The following IFT80 variants were observed in gnomAD, a reference collection of about 807,000 sequenced individuals.
The protein encoded by IFT80 is intraflagellar transport protein 80 homolog.
IFT80 carries 79 observed loss-of-function variants against 107.9 expected under a neutral mutation model. That is an observed-to-expected ratio of 0.73 (90% CI 0.61 to 0.88). The LOEUF is 0.88. Among genes scored for constraint, IFT80 ranks in the 40% least tolerant of loss-of-function variants. IFT80 has a pLI of 0.00. For synonymous variants in IFT80, 299 were observed against 300.9 expected (o/e 0.99, Z 0.07); for missense variants, 797 against 914.2 (o/e 0.87, Z 1.65).
At chr3:160,339,397 G>T (rs1719724798) in intron 8 of IFT80, among the ~76,000 whole-genome samples, 1 of 152,044 alleles carries the variant, frequency 6.6e-6, no homozygotes, top group Non-Finnish European at 1.5e-5. Flanking sequence ...AAAATATTTT[G>T]TTATGATTAT....
chr3:160,281,469 T>G (rs1714687110), intron 14 of IFT80, among the ~76,000 whole-genome samples: 1 of 152,184 alleles, frequency 6.6e-6, no homozygotes, highest in Non-Finnish European at 1.5e-5. Context: ...GAGAGGCCCC[T>G]GCCACCAGCA....
chr3:160,306,937 T>C lies in IFT80; in HGVS notation c.1076+726A>G, dbSNP rs181030010. On this transcript the variant is annotated intron_variant, in intron 10 of 19. Coordinates refer to ENST00000326448, the MANE Select transcript of IFT80 (RefSeq NM_020800.3). ...AATGAGACACATATAGTCTCCATCC[T>C]CAATTTTATATTCAATGACTAAACT... Among the ~76,000 whole-genome samples the C allele has an allele frequency of 6.6e-5, 10 of 152,292 alleles. No individual in the cohort carries two copies. In the East Asian group the frequency reaches 1.9e-3, roughly 29 times the overall value.
chr3:160,341,413 T>C (rs1364285882), intron 8 of IFT80, among the ~76,000 whole-genome samples: 2 of 151,826 alleles, frequency 1.3e-5, no homozygotes, highest in African/African-American at 2.4e-5. Flanking sequence ...GGTAGGAACT[T>C]GGCATGTGGT....
intron 18 of IFT80, among the ~76,000 whole-genome samples, chr3:160,275,118 C>A (rs952540607): frequency 2.6e-5 from 4 of 152,160 alleles, no homozygotes; most frequent in Non-Finnish European, 5.9e-5. Flanking sequence ...CTGAGATAAC[C>A]TAACGACATG....
chr3:160,342,848 C>G (rs1001756985), intron 8 of IFT80: 3 of 152,314 alleles, frequency 2.0e-5, no homozygotes, highest in African/African-American at 7.2e-5. Flanking sequence ...AAACAAAGAA[C>G]AACATAGTGA....
intron 2 of IFT80, chr3:160,383,934 A>G (rs758600989): frequency 2.0e-6 from 2 of 985,326 alleles, no homozygotes; most frequent in Non-Finnish European, 2.4e-6. Flanking sequence ...TAGCAAAGAA[A>G]CAGTTTGGTT....
At chr3:160,358,324 T>A (rs1576864838) in intron 6 of IFT80, among the ~76,000 whole-genome samples, 1 of 144,986 alleles carries the variant, frequency 6.9e-6, no homozygotes. Context: ...CCCTCAACCA[T>A]TTTTTTTTTA....
chr3:160,335,473 C>T (rs1378328590), intron 8 of IFT80, among the ~76,000 whole-genome samples: 4 of 152,064 alleles, frequency 2.6e-5, no homozygotes, highest in Non-Finnish European at 4.4e-5. Flanking sequence ...CCACTCGCCT[C>T]GGCCTCCCAA....
chr3:160,330,781 G>A (rs1326509702), intron 8 of IFT80, among the ~76,000 whole-genome samples: 1 of 152,056 alleles, frequency 6.6e-6, no homozygotes, highest in East Asian at 1.9e-4. Context: ...ATCAACTAAT[G>A]GCTAATTCTC....
chr3:160,286,005 AT>A, intron 12 of IFT80, 137 bp from the exon 13 acceptor site: 1 of 588,566 alleles, frequency 1.7e-6, no homozygotes, highest in South Asian at 2.4e-5. Flanking sequence ...TCCAATTTTA[AT>A]TTATTAATGT....
intron 6 of IFT80, among the ~76,000 whole-genome samples, chr3:160,359,659 T>C (rs924136054): frequency 2.0e-5 from 3 of 152,198 alleles, no homozygotes; most frequent in Admixed American, 2.0e-4. Context: ...CAATATTTGC[T>C]GTTCTGCAAT....
chr3:160,362,832 A>T (rs1028496981), intron 6 of IFT80, among the ~76,000 whole-genome samples: 21 of 152,224 alleles, frequency 1.4e-4, no homozygotes, highest in African/African-American at 5.1e-4. Context: ...TCATGCTAAA[A>T]ACTCTCCATA....
At chr3:160,271,650 C>T (rs1713815907) in intron 18 of IFT80, among the ~76,000 whole-genome samples, 1 of 152,082 alleles carries the variant, frequency 6.6e-6, no homozygotes, top group African/African-American at 2.4e-5. Flanking sequence ...CATAAACCAG[C>T]AAGACTATGC....
intron 2 of IFT80, 51 bp from the exon 3 acceptor site, chr3:160,381,775 T>C (rs1381465535): frequency 2.1e-6 from 3 of 1,409,520 alleles, no homozygotes; most frequent in East Asian, 4.6e-5. Context: ...TTAATCTTAA[T>C]GAATAATTCA....
intron 8 of IFT80, among the ~76,000 whole-genome samples, chr3:160,326,254 T>C (rs1315085349): frequency 2.0e-5 from 3 of 151,958 alleles, no homozygotes; most frequent in Non-Finnish European, 4.4e-5. Context: ...TAATAGTTAC[T>C]AAAATTGGAG....
intron 7 of IFT80, among the ~76,000 whole-genome samples, chr3:160,356,453 A>G (rs1358383566): frequency 1.3e-5 from 2 of 152,218 alleles, no homozygotes; most frequent in Middle Eastern, 3.2e-3. Context: ...TCTGAACATA[A>G]AATCTACCCA....
intron 2 of IFT80, chr3:160,383,507 T>C (rs1405823935): frequency 5.1e-5 from 44 of 858,898 alleles, no homozygotes; most frequent in Non-Finnish European, 6.0e-5. Context: ...AGATTTTTCT[T>C]TATTTCGAAT....
In IFT80 at chr3:160,368,359, C is replaced by CA. The variant is rs56031662; in HGVS notation, c.440-2208dup. ...TAGAAAGTCTAATCTAGACCCAGTC[C>CA]AAAAAAAAAAAAAAAAAAAACCCTG... On this transcript the variant is annotated intron_variant, in intron 5 of 19. Coordinates refer to ENST00000326448, the MANE Select transcript of IFT80 (RefSeq NM_020800.3). Among the ~76,000 whole-genome samples the CA allele has an allele frequency of 7.0e-3, 635 of 90,248 alleles. 3 individuals carry two copies. Among genetic ancestry groups the CA allele is most frequent in the East Asian group, 0.022 (59 of 2,712 alleles). 59.2% of individuals were successfully genotyped at this position (90,248 alleles called of 152,430 possible). A position where few individuals can be genotyped will look rare whatever the true frequency, so the allele number is the denominator to read the frequency against.
chr3:160,361,599 A>G (rs1721496554), intron 6 of IFT80, among the ~76,000 whole-genome samples: 2 of 152,218 alleles, frequency 1.3e-5, no homozygotes. Flanking sequence ...CACCACACTT[A>G]TTCCAAAATT....
Sources: gnomAD v4.1 joint callset for allele counts (sites outside exome capture counted in the v4.1 genomes callset) on GRCh38, gnomAD v4.1.1 for gene constraint, MANE v1.5 for transcripts, NCBI Gene and HGNC (gene_info 2026-07-23, HGNC 2026-07-21) for gene names.